Variants in LRRN1 observed in about 807,000 individuals in gnomAD.
The protein encoded by LRRN1 is leucine-rich repeat neuronal protein 1.
In LRRN1, 14 loss-of-function variants were observed where a neutral mutation model predicts 45.8. That is an observed-to-expected ratio of 0.31 (90% CI 0.20 to 0.48). The LOEUF (loss-of-function observed/expected upper bound fraction) is 0.48. Among genes scored for constraint, LRRN1 ranks in the 20% least tolerant of loss-of-function variants. The pLI is 0.99. For missense variants in LRRN1, 789 were observed against 874.2 expected (o/e 0.90, Z 1.23); for synonymous variants, 359 against 330.1 (o/e 1.09, Z -0.95).
chr3:3,835,311 A>C (rs941451343), intron 1 of LRRN1, among the ~76,000 whole-genome samples: 3 of 152,228 alleles, frequency 2.0e-5, no homozygotes, highest in African/African-American at 7.2e-5. Context: ...CTGTTTGCTA[A>C]TAAAGTGTTG....
At chr3:3,810,142 T>C (rs756288814) in intron 1 of LRRN1, among the ~76,000 whole-genome samples, 11 of 152,196 alleles carry the variant, frequency 7.2e-5, no homozygotes, top group Non-Finnish European at 1.3e-4. Context: ...GTTTCCAGAT[T>C]CTCTTCTGTA....
intron 1 of LRRN1, among the ~76,000 whole-genome samples, chr3:3,820,690 CGAGAGA>C (rs1693083183): frequency 1.3e-5 from 2 of 152,132 alleles, no homozygotes; most frequent in African/African-American, 4.8e-5. Flanking sequence ...GCAGGTATAG[CGAGAGA>C]AATGCAATAA....
rs1042228420 is a variant in LRRN1, at chr3:3,848,376, T to A, written c.*1584T>A. 6.6e-4 allele frequency among the ~76,000 whole-genome samples: 100 copies of A among 152,232 alleles called. No individual in the cohort carries two copies. The highest frequency in any genetic ancestry group is 2.4e-3 in the African/African-American group (98 of 41,558). On this transcript the variant is annotated 3_prime_UTR_variant, in exon 2 of 2. Coordinates refer to ENST00000319331, the MANE Select transcript of LRRN1 (RefSeq NM_020873.7). ...ACAAAGGGCAGAGGGAGGGATGGGATTTAATAGGTAAAGAAGAACCCATTT... is the reference window on the plus strand; with the variant it reads ...ACAAAGGGCAGAGGGAGGGATGGGAATTAATAGGTAAAGAAGAACCCATTT...
intron 1 of LRRN1, among the ~76,000 whole-genome samples, chr3:3,819,098 C>CT (rs1693048653): frequency 6.6e-6 from 1 of 152,028 alleles, no homozygotes; most frequent in South Asian, 2.1e-4. Flanking sequence ...GGCAGTCCTC[C>CT]TGCTTCAGCC....
chr3:3,827,474 A>C (rs906322648), intron 1 of LRRN1: 4 of 456,534 alleles, frequency 8.8e-6, no homozygotes, highest in African/African-American at 8.0e-5. Context: ...AGCTACAGGC[A>C]ATGTTGGTGT....
intron 1 of LRRN1, among the ~76,000 whole-genome samples, chr3:3,809,413 G>A (rs2106452042): frequency 6.6e-6 from 1 of 152,284 alleles, no homozygotes; most frequent in Admixed American, 6.5e-5. Context: ...CAAAGTGCTG[G>A]GATTACAGGC....
intron 1 of LRRN1, among the ~76,000 whole-genome samples, chr3:3,808,790 C>CT (rs111432146): frequency 4.8e-4 from 72 of 151,300 alleles, no homozygotes; most frequent in Admixed American, 1.1e-3. Flanking sequence ...AAATAAATCA[C>CT]TTTTTTTTTA....
intron 1 of LRRN1, among the ~76,000 whole-genome samples, chr3:3,811,132 C>T (rs572627476): frequency 6.6e-6 from 1 of 152,244 alleles, no homozygotes; most frequent in African/African-American, 2.4e-5. Context: ...CACATACCAA[C>T]TCTGGGAGTT....
chr3:3,826,094 A>G (rs13086561), intron 1 of LRRN1, among the ~76,000 whole-genome samples: 48,875 of 151,994 alleles, frequency 0.32, 9,121 homozygotes, highest in East Asian at 0.63. Context: ...ACTGCTTCTT[A>G]CTGTGTTAGA....
At chr3:3,810,630 C>T (rs149260297) in intron 1 of LRRN1, among the ~76,000 whole-genome samples, 2 of 152,240 alleles carry the variant, frequency 1.3e-5, no homozygotes, top group African/African-American at 2.4e-5. Flanking sequence ...TCACCTGAAC[C>T]CAGGAGATTC....
chr3:3,831,198 T>A (rs910845334), intron 1 of LRRN1, among the ~76,000 whole-genome samples: 3 of 152,210 alleles, frequency 2.0e-5, no homozygotes, highest in Admixed American at 6.5e-5. Context: ...GAGGAATGTG[T>A]TGCCTCCAAG....
At position 3,816,990 on chromosome 3, in the gene LRRN1, G is replaced by A. The variant is rs556721450; in HGVS notation, c.-279+17071G>A. ...TTGATTGATAAGATAGATAAGATAC[G>A]ATAGAGAGATTTATTACAGGAATTA... On this transcript the variant is annotated intron_variant, in intron 1 of 1. Coordinates refer to ENST00000319331, the MANE Select transcript of LRRN1 (RefSeq NM_020873.7). The surrounding 1 kb of genome is among the most constrained non-coding windows in gnomAD (Gnocchi z 4.0). Among the ~76,000 whole-genome samples, 4 of 152,270 alleles carry A rather than the reference G, an allele frequency of 2.6e-5. No individual in the cohort carries two copies. The highest frequency in any genetic ancestry group is 4.1e-4 in the South Asian group (2 of 4,830).
At chr3:3,833,517 A>G (rs1693416405) in intron 1 of LRRN1, among the ~76,000 whole-genome samples, 1 of 152,148 alleles carries the variant, frequency 6.6e-6, no homozygotes, top group Non-Finnish European at 1.5e-5. Context: ...TGCTCTTTAT[A>G]TAATTAGAGA....
chr3:3,811,234 A>G (rs2106452960), intron 1 of LRRN1, among the ~76,000 whole-genome samples: 1 of 152,346 alleles, frequency 6.6e-6, no homozygotes, highest in South Asian at 2.1e-4. Context: ...ATGCATAGGA[A>G]CAATACTCTT....
chr3:3,814,804 G>C (rs1284158397), intron 1 of LRRN1, among the ~76,000 whole-genome samples: 1 of 152,132 alleles, frequency 6.6e-6, no homozygotes, highest in African/African-American at 2.4e-5. Flanking sequence ...AAAGCAGAAA[G>C]CAGTCCTCAC....
chr3:3,833,072 C>G (rs561860827), intron 1 of LRRN1, among the ~76,000 whole-genome samples: 1 of 152,166 alleles, frequency 6.6e-6, no homozygotes. Context: ...CTGTTCCCAC[C>G]GTTAGATCTG....
chr3:3,844,061 G>A (rs557166979), intron 1 of LRRN1, among the ~76,000 whole-genome samples: 2 of 152,058 alleles, frequency 1.3e-5, no homozygotes, highest in Non-Finnish European at 2.9e-5. Context: ...GTGTGTGTGT[G>A]CATGTTTAGT....
chr3:3,827,290 C>T (rs1011122570), intron 1 of LRRN1: 5 of 236,126 alleles, frequency 2.1e-5, no homozygotes, highest in Non-Finnish European at 4.5e-5. Flanking sequence ...CTCCAGAAGC[C>T]GCATTCTTAA....
At chr3:3,834,069 CA>C (rs1301633699) in intron 1 of LRRN1, among the ~76,000 whole-genome samples, 1 of 152,108 alleles carries the variant, frequency 6.6e-6, no homozygotes, top group Non-Finnish European at 1.5e-5. Context: ...GACTCTCACT[CA>C]GGGTAATCTT....
Sources: allele counts gnomAD v4.1 joint callset (sites outside exome capture counted in the v4.1 genomes callset), GRCh38; gene constraint gnomAD v4.1.1; non-coding constraint Gnocchi (gnomAD v3.1); transcripts MANE v1.5; gene names NCBI Gene and HGNC (gene_info 2026-07-23, HGNC 2026-07-21).